The following COL6A5 variants were observed in gnomAD, a reference collection of about 807,000 sequenced individuals.
COL6A5 encodes collagen alpha-5(VI) chain.
In COL6A5, 48 loss-of-function variants were observed where a neutral mutation model predicts 65.6. The observed-to-expected ratio is 0.73, with a 90% CI of 0.58 to 0.93. The LOEUF (loss-of-function observed/expected upper bound fraction) is 0.93, where lower values mean the gene tolerates loss of function less well. COL6A5 is among the 40% of genes least tolerant of loss of function. The pLI is 0.00. For synonymous variants in COL6A5, 291 were observed against 322.8 expected, an observed-to-expected ratio of 0.90 and a Z score of 1.05; for missense variants, 914 against 928.3, an observed-to-expected ratio of 0.98 and a Z score of 0.20.
intron 12 of COL6A5, among the ~76,000 whole-genome samples, chr3:130,402,618 T>C (rs1391075075): frequency 6.6e-6 from 1 of 152,152 alleles, no homozygotes; most frequent in Non-Finnish European, 1.5e-5. Flanking sequence ...CAAGAAAATA[T>C]TATCAGAAGT....
intron 20 of COL6A5, among the ~76,000 whole-genome samples, 187 bp from the exon 21 acceptor site, chr3:130,413,358 C>T (rs16827446): frequency 0.084 from 12,751 of 151,746 alleles, 791 homozygotes; most frequent in Middle Eastern, 0.11. Flanking sequence ...TGCAATCAGT[C>T]CCCCAAATGT....
chr3:130,432,194 T>G (rs1937846312), intron 1 of COL6A5, among the ~76,000 whole-genome samples: 1 of 152,126 alleles, frequency 6.6e-6, no homozygotes, highest in Non-Finnish European at 1.5e-5. Context: ...CCTAGAGCTT[T>G]CCATATGTAT....
chr3:130,391,128 C>T (rs1335959690), intron 6 of COL6A5, 51 bp from the exon 7 acceptor site: 26 of 1,316,956 alleles, frequency 2.0e-5, no homozygotes, highest in East Asian at 2.5e-5. Flanking sequence ...CAGCACCCTG[C>T]GTAGAATGCA....
At chr3:130,462,690 C>T (rs1709727979) in intron 5 of COL6A5, among the ~76,000 whole-genome samples, 1 of 152,122 alleles carries the variant, frequency 6.6e-6, no homozygotes, top group Non-Finnish European at 1.5e-5. Context: ...TGCTGATAAT[C>T]ACTGTTCTAC....
At chr3:130,407,103 G>A (rs1937020135) in intron 17 of COL6A5, among the ~76,000 whole-genome samples, 1 of 152,204 alleles carries the variant, frequency 6.6e-6, no homozygotes, top group African/African-American at 2.4e-5. Context: ...AAGTCTTCCT[G>A]GAGGAAATGA....
intron 7 of COL6A5, among the ~76,000 whole-genome samples, chr3:130,392,539 T>C (rs984559732): frequency 2.0e-5 from 3 of 152,180 alleles, no homozygotes; most frequent in African/African-American, 7.2e-5. Flanking sequence ...GTCCTCCCAA[T>C]CTGGCAAATG....
At chr3:130,421,269 T>C (rs79075848) in intron 26 of COL6A5, 56 bp from the exon 27 acceptor site, 1 of 1,546,884 alleles carries the variant, frequency 6.5e-7, no homozygotes, top group Non-Finnish European at 8.7e-7. Flanking sequence ...AGAAGAAATG[T>C]TCATACTGCA....
chr3:130,371,736 A>G (rs1276994224), intron 1 of COL6A5, among the ~76,000 whole-genome samples: 2 of 152,202 alleles, frequency 1.3e-5, no homozygotes, highest in Non-Finnish European at 1.5e-5. Flanking sequence ...AAGAAAACAT[A>G]CAAGTAACTC....
At chr3:130,384,263 T>C (rs1936103917) in intron 4 of COL6A5, among the ~76,000 whole-genome samples, 1 of 151,992 alleles carries the variant, frequency 6.6e-6, no homozygotes, top group African/African-American at 2.4e-5. Context: ...TTGCTGGAAA[T>C]AGAGTCAGAG....
upstream of COL6A5, among the ~76,000 whole-genome samples, chr3:130,430,748 C>A (rs1937766815): frequency 6.6e-6 from 1 of 152,236 alleles, no homozygotes; most frequent in African/African-American, 2.4e-5. Flanking sequence ...TTCCTGAAGC[C>A]CCTGAGATAG....
At chr3:130,481,890 G>C (rs906398427) in intron 7 of COL6A5, among the ~76,000 whole-genome samples, 1 of 151,866 alleles carries the variant, frequency 6.6e-6, no homozygotes, top group South Asian at 2.1e-4. Context: ...TTTTTAATGG[G>C]GTTGTTTTTT....
intron 20 of COL6A5, among the ~76,000 whole-genome samples, chr3:130,411,185 A>G (rs1286548078): frequency 6.6e-6 from 1 of 152,180 alleles, no homozygotes; most frequent in Non-Finnish European, 1.5e-5. Context: ...GGACTTCCAT[A>G]TCTTTTTAAA....
At chr3:130,415,610 A>T (rs13070741) in intron 22 of COL6A5, 35 bp from the exon 23 acceptor site, 1 of 1,521,848 alleles carries the variant, frequency 6.6e-7, no homozygotes, top group East Asian at 2.5e-5. Flanking sequence ...TTTCATTGAC[A>T]TAATTGCATT....
chr3:130,404,359 C>T (rs1369238794), intron 13 of COL6A5, among the ~76,000 whole-genome samples: 6 of 152,164 alleles, frequency 3.9e-5, no homozygotes. Context: ...AGTCCAGTTC[C>T]TCATCTGGGC....
intron 1 of COL6A5, among the ~76,000 whole-genome samples, chr3:130,365,816 C>T (rs1293266931): frequency 6.6e-6 from 1 of 152,170 alleles, no homozygotes; most frequent in Non-Finnish European, 1.5e-5. Flanking sequence ...AGTGTTCAGA[C>T]CATGCCCCTG....
chr3:130,380,048 C>CAAACT, exon 4 of COL6A5: 2 of 1,505,032 alleles, frequency 1.3e-6, no homozygotes, highest in Non-Finnish European at 1.8e-6. Context: ...CTTGATAAAA[C>CAAACT]TGGTATGTTT....
intron 1 of COL6A5, among the ~76,000 whole-genome samples, chr3:130,350,228 C>T (rs970697808): frequency 6.6e-6 from 1 of 152,136 alleles, no homozygotes; most frequent in Non-Finnish European, 1.5e-5. Context: ...GGATGCAGGA[C>T]AAGAATGGTT....
rs538557839 is a variant in COL6A5 at position 130,402,089 on chromosome 3, G to C, written c.4227+235G>C. On this transcript the variant is annotated intron_variant and NMD_transcript_variant, in intron 12 of 41. Transcript: ENST00000312481. ...CTTGGCAATGTTGCTTCTTGGTTTTGCAATTTATACTTTTGTACCTGCTTT... is the reference window on the plus strand; with the variant it reads ...CTTGGCAATGTTGCTTCTTGGTTTTCCAATTTATACTTTTGTACCTGCTTT... Among the ~76,000 whole-genome samples, 8 of 152,242 alleles carry C rather than the reference G, an allele frequency of 5.3e-5. No individual in the cohort carries two copies. The South Asian group carries it at 1.2e-3, about 24-fold the overall frequency.
chr3:130,441,615 GGA>G (rs974948426), intron 3 of COL6A5, among the ~76,000 whole-genome samples: 1 of 152,072 alleles, frequency 6.6e-6, no homozygotes, highest in African/African-American at 2.4e-5. Context: ...CAGATGGTTT[GGA>G]AAAATGCTCT....
Sources: gnomAD v4.1 joint callset for allele counts (sites outside exome capture counted in the v4.1 genomes callset) on GRCh38, gnomAD v4.1.1 for gene constraint, MANE v1.5 for transcripts, NCBI Gene and HGNC (gene_info 2026-07-23, HGNC 2026-07-21) for gene names.